BIK: variants seen among roughly 807,000 people sequenced by gnomAD.
The protein encoded by BIK is BCL2 interacting killer, also known as bcl-2-interacting killer.
BIK carries 14 observed loss-of-function variants against 12.1 expected under a neutral mutation model. The observed-to-expected ratio is 1.16, with a 90% confidence interval of 0.77 to 1.81. The LOEUF (loss-of-function observed/expected upper bound fraction) is 1.81. Ranked by LOEUF, BIK falls within the 40% of genes most tolerant of loss-of-function variation. The probability of loss-of-function intolerance (pLI) is 0.00; values close to 1 mark genes in which losing one functional copy is unlikely to be tolerated. For missense variants in BIK, 215 were observed against 207.9 expected (o/e 1.03, Z -0.21); for synonymous variants, 86 against 92.3 (o/e 0.93, Z 0.39).
rs762089105 is a variant in BIK at position 43,129,321 on chromosome 22, G to A, written c.*16G>A. The A allele has an allele frequency of 6.3e-7, 1 of 1,595,138 alleles. No individual in the cohort carries two copies. The highest frequency in any genetic ancestry group is 8.5e-7 in the Non-Finnish European group (1 of 1,177,664). On this transcript the variant is annotated 3_prime_UTR_variant, in exon 5 of 5. Transcript: ENST00000216115. ...GCTCAAGTGAGGCCCCGGCGGCTCA[G>A]GGCGGGGCTGGCCCCACCCCCATGA...
rs143254979 is a variant in BIK, at chr22:43,125,961, C to G, written c.162-1736C>G. 4.6e-3 allele frequency among the ~76,000 whole-genome samples: 700 copies of G among 152,144 alleles called. 2 individuals are homozygous for G. Among genetic ancestry groups the G allele is most frequent in the Non-Finnish European group, 8.4e-3 (569 of 67,998 alleles). On this transcript the variant is annotated intron_variant, in intron 2 of 4. Transcript: ENST00000216115. ...CTCTGCCAACTGCTCCCAGCTATGTCCAGCACACGGCAGCATACCCAGATG... is the reference window on the plus strand; with the variant it reads ...CTCTGCCAACTGCTCCCAGCTATGTGCAGCACACGGCAGCATACCCAGATG...
chr22:43,120,316 T>C (rs1369326340), intron 1 of BIK, among the ~76,000 whole-genome samples: 1 of 152,212 alleles, frequency 6.6e-6, no homozygotes, highest in African/African-American at 2.4e-5. Context: ...GCCTCCCAAG[T>C]AGCTGGGATT....
At chr22:43,122,139 G>C (rs1252516454) in intron 1 of BIK, among the ~76,000 whole-genome samples, 1 of 152,152 alleles carries the variant, frequency 6.6e-6, no homozygotes, top group Non-Finnish European at 1.5e-5. Flanking sequence ...TCTCTCTCCT[G>C]GGGGTCAGGG....
intron 1 of BIK, among the ~76,000 whole-genome samples, chr22:43,121,838 T>C (rs1930225147): frequency 6.6e-6 from 1 of 152,226 alleles, no homozygotes; most frequent in South Asian, 2.1e-4. Context: ...TGAGTCAGAA[T>C]CTAGCTCTGC....
intron 1 of BIK, among the ~76,000 whole-genome samples, chr22:43,116,845 G>A (rs1930123808): frequency 6.6e-6 from 1 of 152,156 alleles, no homozygotes; most frequent in South Asian, 2.1e-4. Flanking sequence ...AAGTTGAGGT[G>A]GAAAGATCAC....
intron 1 of BIK, among the ~76,000 whole-genome samples, chr22:43,117,893 T>TTG (rs1930149178): frequency 6.6e-6 from 1 of 151,708 alleles, no homozygotes; most frequent in Admixed American, 6.6e-5. Context: ...CAGGCTGGTC[T>TTG]TGAACTCCTG....
chr22:43,127,810 C>A lies in BIK; in HGVS notation c.260+15C>A. The stretch of plus-strand genomic sequence containing the variant: ...GCCATGCACAGGTAGCCGGCCTATG[C>A]CCTATGCCTCTACACCTGGGGAGGG... On this transcript the variant is annotated intron_variant, in intron 3 of 4. Transcript: ENST00000216115. 1.3e-6 allele frequency: 2 copies of A among 1,543,810 alleles called. No individual in the cohort carries two copies. Among genetic ancestry groups the A allele is most frequent in the Non-Finnish European group, 1.8e-6 (2 of 1,142,354 alleles).
chr22:43,115,764 AT>A (rs1167006163), intron 1 of BIK, among the ~76,000 whole-genome samples: 2 of 146,320 alleles, frequency 1.4e-5, no homozygotes, highest in South Asian at 2.2e-4. Context: ...CGTCTGGCCT[AT>A]TTTTTATTTT....
intron 1 of BIK, among the ~76,000 whole-genome samples, chr22:43,123,373 G>C (rs1930253052): frequency 2.0e-5 from 3 of 152,132 alleles, no homozygotes; most frequent in African/African-American, 7.2e-5. Context: ...CAGGTGCCTG[G>C]GTTTTCTGCT....
chr22:43,129,541 T>A lies in BIK; in HGVS notation c.*236T>A. 1 of 609,676 alleles carries A rather than the reference T, an allele frequency of 1.6e-6. No homozygotes were observed. The highest frequency in any genetic ancestry group is 2.7e-6 in the Non-Finnish European group (1 of 375,130). 37.8% of individuals were successfully genotyped at this position (609,676 alleles called of 1,614,324 possible). On this transcript the variant is annotated 3_prime_UTR_variant, in exon 5 of 5. Transcript: ENST00000216115. ...CTATGGCTCTGCAATTGTCACCGGT[T>A]AACTGTGGCCTGTGCCCAGGAAGAG... is the stretch of plus-strand genomic sequence containing the variant.
At position 43,128,518 on chromosome 22, in the gene BIK, GA is replaced by G; in HGVS notation, c.284del (p.Asp95AlafsTer24). On this transcript the variant is annotated frameshift_variant, in exon 4 of 5. Coordinates refer to ENST00000216115, the MANE Select transcript of BIK (RefSeq NM_001197.5). LOFTEE classifies it high-confidence loss of function. Reference sequence around the variant, plus strand: ...TAGCCTGGGTCTGGCTTTCATCTACGACCAGACTGAGGACATCAGGGATGTT... The same window carrying G: ...TAGCCTGGGTCTGGCTTTCATCTACGCCAGACTGAGGACATCAGGGATGTT... ...MHSLGLAFIY[D>X]QTEDIRDVLR... is the part of the protein sequence containing the mutation. 2.5e-6 allele frequency: 4 copies of G among 1,613,838 alleles called. No homozygotes were observed. The highest frequency in any genetic ancestry group is 3.4e-6 in the Non-Finnish European group (4 of 1,179,792).
chr22:43,119,193 T>C (rs1224801940), intron 1 of BIK, among the ~76,000 whole-genome samples: 2 of 151,534 alleles, frequency 1.3e-5, no homozygotes, highest in Non-Finnish European at 2.9e-5. Context: ...CTGGTGAGTG[T>C]GTAGGAGGCT....
At chr22:43,128,654 C>G (rs761339283) in intron 4 of BIK, 29 bp downstream of exon 4, 1 of 1,584,094 alleles carries the variant, frequency 6.3e-7, no homozygotes, top group Non-Finnish European at 8.6e-7. Context: ...CTGACCCTGA[C>G]TTGCGCTGCG....
chr22:43,112,698 G>T (rs559363179), intron 1 of BIK, among the ~76,000 whole-genome samples: 28 of 150,178 alleles, frequency 1.9e-4, no homozygotes, highest in African/African-American at 6.1e-4. Context: ...AGACTAGACT[G>T]GGCTAGACCA....
intron 3 of BIK, 22 bp downstream of exon 3, chr22:43,127,817 C>T: frequency 3.9e-6 from 6 of 1,537,840 alleles, no homozygotes; most frequent in Non-Finnish European, 4.4e-6. Flanking sequence ...ATGCCCTATG[C>T]CTCTACACCT....
Position 43,129,523 on chromosome 22 carries a change from T to C in BIK, c.*218T>C, listed in dbSNP as rs1197273601. 1 of 747,878 alleles carries C rather than the reference T, an allele frequency of 1.3e-6. No homozygotes were observed. Among genetic ancestry groups the C allele is most frequent in the Non-Finnish European group, 2.1e-6 (1 of 484,732 alleles). 46.3% of individuals were successfully genotyped at this position (747,878 alleles called of 1,614,324 possible). On this transcript the variant is annotated 3_prime_UTR_variant, in exon 5 of 5. Transcript: ENST00000216115. ...TTTCTAAAAGATGAATTCCTATGGC[T>C]CTGCAATTGTCACCGGTTAACTGTG...
chr22:43,113,617 C>CTT (rs35621077), intron 1 of BIK, among the ~76,000 whole-genome samples: 10 of 151,574 alleles, frequency 6.6e-5, no homozygotes, highest in African/African-American at 1.5e-4. Flanking sequence ...TAACCGTGTA[C>CTT]TTTTTTTTTC....
rs1369447570 is a variant in BIK, at chr22:43,127,687, C to T, written c.162-10C>T. 1.3e-6 allele frequency: 2 copies of T among 1,549,552 alleles called. No individual in the cohort carries two copies. The highest frequency in any genetic ancestry group is 8.7e-7 in the Non-Finnish European group (1 of 1,146,462). On this transcript the variant is annotated splice_polypyrimidine_tract_variant and intron_variant, in intron 2 of 4. Transcript: ENST00000216115. ...CAGCCACACCCGACTCCTGTGTGTGCTCCCTGCAGTGACGCATTGGCCCTG... is the reference window on the plus strand; with the variant it reads ...CAGCCACACCCGACTCCTGTGTGTGTTCCCTGCAGTGACGCATTGGCCCTG...
At chr22:43,118,622 C>T (rs558877996) in intron 1 of BIK, among the ~76,000 whole-genome samples, 3 of 152,132 alleles carry the variant, frequency 2.0e-5, no homozygotes, top group Admixed American at 1.3e-4. Flanking sequence ...GAGGGTGGCA[C>T]GTGGAAGACT....
Sources: allele counts gnomAD v4.1 joint callset (sites outside exome capture counted in the v4.1 genomes callset), GRCh38; gene constraint gnomAD v4.1.1; transcripts MANE v1.5; gene names NCBI Gene and HGNC (gene_info 2026-07-23, HGNC 2026-07-21).